The following WDR13 variants were observed in gnomAD, a reference collection of about 807,000 sequenced individuals.
WDR13 encodes the protein WD repeat domain 13, also known as WD repeat-containing protein 13.
A neutral mutation model predicts 28.6 loss-of-function variants in WDR13; 1 was observed. The observed-to-expected ratio is 0.03, with a 90% CI of 0.01 to 0.17. The LOEUF (loss-of-function observed/expected upper bound fraction) is 0.17, where lower values mean the gene tolerates loss of function less well. WDR13 is among the 10% of genes least tolerant of loss of function. The probability of loss-of-function intolerance (pLI) is 1.00; values close to 1 mark genes in which losing one functional copy is unlikely to be tolerated. For missense variants in WDR13, 264 were observed against 469.3 expected (o/e 0.56, Z 4.04); for synonymous variants, 201 against 185.9 (o/e 1.08, Z -0.66).
Position 48,607,460 on chromosome X carries a change from T to C in WDR13, c.*2428T>C, listed in dbSNP as rs1164072313. On this transcript the variant is annotated 3_prime_UTR_variant, in exon 10 of 10. Transcript: ENST00000376729. ...TTGGCTCACTGCAGCCTCCACCTCC[T>C]GGGTTCAAGCGATCCTCGGGCCTCA... The C allele has an allele frequency of 1.1e-5, 1 of 92,941 alleles. No individual in the cohort carries two copies. 7.7% of individuals were successfully genotyped at this position (92,941 alleles called of 1,213,427 possible).
chrX:48,600,227 C>T (rs1259561651), intron 5 of WDR13, 92 bp from the exon 6 acceptor site: 3 of 1,040,029 alleles, frequency 2.9e-6, no homozygotes, highest in Admixed American at 3.0e-5. Flanking sequence ...TGCAGTGGGG[C>T]CCCAGCCCCA....
chrX:48,599,318 C>A, intron 3 of WDR13, 35 bp from the exon 4 acceptor site: 1 of 1,090,009 alleles, frequency 9.2e-7, no homozygotes. Context: ...GGGCTTTTTG[C>A]AAGATGCACC....
At position 48,605,031 on chromosome X, in the gene WDR13, A is replaced by G; in HGVS notation, c.1457A>G (p.Ter486TrpextTer22). Residue 486 changes from the stop codon to tryptophan, a stop_lost, in exon 10 of 10, where the codon TAG becomes TGG. Coordinates refer to ENST00000376729, the MANE Select transcript of WDR13 (RefSeq NM_001347217.2). ...ATCGTCTGGAGGCGGGAGCAGAAGT[A>G]GGGTCCTGTCGGCCCTGCTGCTGTC... ...MVIVWRREQK[*>W] 1 of 1,200,628 alleles carries G rather than the reference A, an allele frequency of 8.3e-7. No individual in the cohort carries two copies. Among genetic ancestry groups the G allele is most frequent in the Non-Finnish European group, 1.1e-6 (1 of 886,835 alleles).
chrX:48,598,072 C>T, intron 2 of WDR13, 35 bp downstream of exon 2: 10 of 1,161,567 alleles, frequency 8.6e-6, no homozygotes, highest in Non-Finnish European at 1.1e-5. Context: ...GGGAGCAGAA[C>T]TTACTGTGGT....
At chrX:48,604,165 C>T in intron 8 of WDR13, 107 bp from the exon 9 acceptor site, 2 of 667,378 alleles carry the variant, frequency 3.0e-6, no homozygotes, top group Middle Eastern at 3.1e-4. Flanking sequence ...ATATGGGTTT[C>T]ATGAACCCTG....
intron 6 of WDR13, among the ~76,000 whole-genome samples, chrX:48,600,933 A>G (rs1208566326): frequency 8.7e-5 from 3 of 34,467 alleles, no homozygotes; most frequent in African/African-American, 1.3e-4. Context: ...ATCTCTACTA[A>G]AAATACAAAA....
At chrX:48,598,064 G>A (rs1418837680) in intron 2 of WDR13, 27 bp downstream of exon 2, 1 of 1,161,736 alleles carries the variant, frequency 8.6e-7, no homozygotes, top group African/African-American at 1.8e-5. Context: ...AAGCCCATGG[G>A]AGCAGAACTT....
intron 4 of WDR13, 40 bp downstream of exon 4, chrX:48,599,502 A>G: frequency 8.3e-7 from 1 of 1,204,304 alleles, no homozygotes; most frequent in Non-Finnish European, 1.1e-6. Flanking sequence ...GCGGGTTGCG[A>G]GGAGGAGAGG....
intron 1 of WDR13, 143 bp downstream of exon 1, chrX:48,597,757 T>A (rs2062152327): frequency 5.0e-6 from 2 of 401,333 alleles, no homozygotes; most frequent in East Asian, 9.4e-5. Flanking sequence ...GGGCGGTGTC[T>A]GTTCTGAATC....
chrX:48,598,859 C>T lies in WDR13; in HGVS notation c.184C>T (p.Leu62=). ...GTACCTGAGGCTTCGGGGGCAGCTG[C>T]TGGGCCAGCGCTACGGGCCCCTCTC... The part of the protein sequence containing the change: ...RQYLRLRGQL[L]GQRYGPLSEP... Residue 62 remains leucine, a synonymous_variant, in exon 3 of 10, where the codon CTG becomes TTG. Transcript: ENST00000376729. 1.7e-6 allele frequency: 2 copies of T among 1,208,232 alleles called. No homozygotes were observed. The highest frequency in any genetic ancestry group is 5.9e-5 in the East Asian group (2 of 33,653).
Position 48,605,955 on chromosome X carries a change from A to C in WDR13, c.*923A>C, listed in dbSNP as rs781786842. On this transcript the variant is annotated 3_prime_UTR_variant, in exon 10 of 10. Transcript: ENST00000376729. ...GCAGAGAGAAAGCCAGCCTAAAGGC[A>C]CTGAGGCTGGAGCGCTCCAGAAGGA... 4 of 110,576 alleles carry C rather than the reference A, an allele frequency of 3.6e-5. No homozygotes were observed. Among genetic ancestry groups the C allele is most frequent in the Admixed American group, 2.9e-4 (3 of 10,300 alleles). The allele number at this position is 110,576 out of a possible 1,213,427, so 9.1% of individuals were successfully genotyped here. A position where few individuals can be genotyped will look rare whatever the true frequency, so the allele number is the denominator to read the frequency against.
intron 8 of WDR13, among the ~76,000 whole-genome samples, chrX:48,603,871 A>G (rs2062203693): frequency 9.0e-6 from 1 of 111,396 alleles, no homozygotes; most frequent in South Asian, 3.7e-4. Context: ...AAGAAAAACT[A>G]GTGAATGAAA....
intron 4 of WDR13, 47 bp from the exon 5 acceptor site, chrX:48,599,540 C>T (rs41305361): frequency 1.7e-6 from 2 of 1,210,808 alleles, no homozygotes; most frequent in South Asian, 3.5e-5. Context: ...AGACTGAACA[C>T]TCTCGCATCT....
In WDR13 at chrX:48,604,342, C is replaced by A; in HGVS notation, c.1225C>A (p.Arg409Ser). 8.3e-7 allele frequency: 1 copy of A among 1,210,915 alleles called. No individual in the cohort carries two copies. Among genetic ancestry groups the A allele is most frequent in the Non-Finnish European group, 1.1e-6 (1 of 895,097 alleles). The stretch of plus-strand genomic sequence containing the variant: ...CATCGAGCAGAGCTCACATCCTGTG[C>A]GCAGCATCTTCTGTCCCCTCATGTC... Reference protein sequence around the residue: ...FPIEQSSHPVRSIFCPLMSFR... With the variant: ...FPIEQSSHPVSSIFCPLMSFR... Residue 409 changes from arginine (R) to serine (S), a missense_variant, in exon 9 of 10, where the codon CGC (arginine) becomes AGC (serine). By Grantham distance (110) the Arg-to-Ser change is moderately radical. Around this residue, in one of 4 missense-constraint regions of WDR13, gnomAD observed 157 missense variants for 270.2 expected, o/e 0.58. Transcript: ENST00000376729.
chrX:48,598,347 A>G lies in WDR13; in HGVS notation c.41+310A>G, dbSNP rs1236372518. 17 of 1,005,892 alleles carry G rather than the reference A, an allele frequency of 1.7e-5. No homozygotes were observed. The South Asian group carries it at 4.4e-4, about 26-fold the overall frequency. 82.9% of individuals were successfully genotyped at this position (1,005,892 alleles called of 1,213,427 possible). On this transcript the variant is annotated intron_variant, in intron 2 of 9. Transcript: ENST00000376729. Reference sequence around the variant, plus strand: ...GTCCCCTAGACTTTTTTTTTTTTACATCATCACTTCCCCATTCTGACCCCA... The same window carrying G: ...GTCCCCTAGACTTTTTTTTTTTTACGTCATCACTTCCCCATTCTGACCCCA...
chrX:48,599,260 G>A, intron 3 of WDR13, 93 bp from the exon 4 acceptor site: 1 of 739,368 alleles, frequency 1.4e-6, no homozygotes, highest in Non-Finnish European at 1.9e-6. Flanking sequence ...AGTGAGAAGT[G>A]ATCTGACTCT....
In WDR13 at chrX:48,602,162, C is replaced by G. The variant is rs1556994854; in HGVS notation, c.1110C>G (p.Pro370=). ...RSWVSREARD[P]SLLINACLNK... is the part of the protein sequence containing the mutation. ...GGGTCAGCCGCGAGGCCCGGGATCC[C>G]TCACTGCTCATCAATGCTTGCCTCA... The change falls in exon 8 of 10, where the codon CCC becomes CCG. Residue 370 remains proline, a synonymous_variant. Coordinates refer to ENST00000376729, the MANE Select transcript of WDR13 (RefSeq NM_001347217.2). 1 of 1,211,912 alleles carries G rather than the reference C, an allele frequency of 8.3e-7. No homozygotes were observed. The highest frequency in any genetic ancestry group is 1.1e-6 in the Non-Finnish European group (1 of 895,356).
chrX:48,603,782 C>G (rs782193185), intron 8 of WDR13, among the ~76,000 whole-genome samples: 31 of 111,731 alleles, frequency 2.8e-4, no homozygotes, highest in African/African-American at 9.1e-4. Flanking sequence ...CAGTTTTCCA[C>G]AGTGTGGGCA....
rs2062223461 is a variant in WDR13 at position 48,606,832 on chromosome X, A to C, written c.*1800A>C. On this transcript the variant is annotated 3_prime_UTR_variant, in exon 10 of 10. Coordinates refer to ENST00000376729, the MANE Select transcript of WDR13 (RefSeq NM_001347217.2). ...GGTAGAGACTCCAGCTTGGCCCAGCATTGCTGAGCTGCTGAACTCGCACCA... is the reference window on the plus strand; with the variant it reads ...GGTAGAGACTCCAGCTTGGCCCAGCCTTGCTGAGCTGCTGAACTCGCACCA... The C allele has an allele frequency of 1.8e-5, 2 of 112,023 alleles. No individual in the cohort carries two copies. The highest frequency in any genetic ancestry group is 6.5e-5 in the African/African-American group (2 of 30,791). The allele number at this position is 112,023 out of a possible 1,213,427, so 9.2% of individuals were successfully genotyped here. A position where few individuals can be genotyped will look rare whatever the true frequency, so the allele number is the denominator to read the frequency against.
Sources: gnomAD v4.1 joint callset for allele counts (sites outside exome capture counted in the v4.1 genomes callset) on GRCh38, gnomAD v4.1.1 for gene constraint, gnomAD v4.1.1 regional missense constraint, MANE v1.5 for transcripts, NCBI Gene and HGNC (gene_info 2026-07-23, HGNC 2026-07-21) for gene names.